PALS2: variants seen among roughly 807,000 people sequenced by gnomAD.
PALS2 encodes protein associated with LIN7 2, MAGUK p55 family member.
PALS2 carries 27 observed loss-of-function variants against 61.6 expected under a neutral mutation model. The ratio of observed to expected loss-of-function variants is 0.44; its 90% confidence interval spans 0.32 to 0.60. PALS2 has a LOEUF of 0.60. Ranked by LOEUF, PALS2 falls within the 20% of genes least tolerant of loss-of-function variation. The pLI, the probability that PALS2 is intolerant of heterozygous loss-of-function variation, is 0.05. For missense variants in PALS2, 554 were observed against 639.4 expected (o/e 0.87, Z 1.44); for synonymous variants, 236 against 218.6 (o/e 1.08, Z -0.70).
intron 1 of PALS2, among the ~76,000 whole-genome samples, chr7:24,601,033 A>G (rs905257196): frequency 7.9e-5 from 12 of 152,164 alleles, no homozygotes; most frequent in African/African-American, 2.9e-4. Flanking sequence ...CCAGGAGGCT[A>G]CTACATCGAA....
chr7:24,633,062 A>G (rs1189595966), intron 2 of PALS2, among the ~76,000 whole-genome samples: 1 of 152,202 alleles, frequency 6.6e-6, no homozygotes, highest in Non-Finnish European at 1.5e-5. Context: ...TTCATAAGCT[A>G]TAATAATCAA....
rs1292725172 is a variant in PALS2, at chr7:24,691,451, A to G, written c.*3837A>G. 7.1e-6 allele frequency: 1 copy of G among 140,822 alleles called. No individual in the cohort carries two copies. Among genetic ancestry groups the G allele is most frequent in the East Asian group, 2.0e-4 (1 of 4,884 alleles). The allele number at this position is 140,822 out of a possible 1,614,324, so 8.7% of individuals were successfully genotyped here. The stretch of plus-strand genomic sequence containing the variant: ...TATATATATATATATATATACAGCT[A>G]TGTGTATAATATGTAAAATTCTCCC... On this transcript the variant is annotated 3_prime_UTR_variant, in exon 12 of 12. Transcript: ENST00000222644.
intron 1 of PALS2, among the ~76,000 whole-genome samples, chr7:24,600,618 C>T (rs758582746): frequency 3.0e-4 from 45 of 151,238 alleles, no homozygotes; most frequent in Non-Finnish European, 4.7e-4. Flanking sequence ...AGAAGCAGTT[C>T]ATTTTGTATA....
At chr7:24,585,921 A>G (rs777451092) in intron 1 of PALS2, among the ~76,000 whole-genome samples, 4 of 152,134 alleles carry the variant, frequency 2.6e-5, no homozygotes, top group Non-Finnish European at 5.9e-5. Flanking sequence ...CCATCTATCT[A>G]GTTCCCTTCT....
intron 1 of PALS2, among the ~76,000 whole-genome samples, chr7:24,597,405 A>G (rs1374690507): frequency 3.3e-5 from 5 of 152,290 alleles, no homozygotes; most frequent in African/African-American, 1.2e-4. Flanking sequence ...GCTGTGGCTG[A>G]GATGGCACGG....
At chr7:24,655,745 C>T (rs1284988554) in intron 5 of PALS2, among the ~76,000 whole-genome samples, 2 of 150,586 alleles carry the variant, frequency 1.3e-5, no homozygotes, top group East Asian at 3.9e-4. Context: ...ACTGCAGCCT[C>T]CACCGCCCGG....
In PALS2 at chr7:24,668,595, G is replaced by A. The variant is rs1787148321; in HGVS notation, c.1049G>A (p.Gly350Asp). The change falls in exon 9 of 12, where the codon GGC becomes GAC. Residue 350 changes from glycine (G) to aspartate (D), a missense_variant. By Grantham distance (94) the Gly-to-Asp change is moderately conservative (BLOSUM62 -1). Coordinates refer to ENST00000222644, the MANE Select transcript of PALS2 (RefSeq NM_001303037.2). ...TLVLIGAQGV[G>D]RRSLKNRFIV... Reference sequence around the variant, plus strand: ...GTATTGATAGGAGCTCAAGGTGTAGGCCGAAGAAGCTTGAAAAACAGGTTC... The same window carrying A: ...GTATTGATAGGAGCTCAAGGTGTAGACCGAAGAAGCTTGAAAAACAGGTTC... 3 of 1,613,820 alleles carry A rather than the reference G, an allele frequency of 1.9e-6. No individual in the cohort carries two copies. In the African/African-American group the frequency reaches 4.0e-5, roughly 22 times the overall value.
intron 1 of PALS2, chr7:24,597,142 C>A (rs997223187): frequency 3.3e-5 from 5 of 152,052 alleles, no homozygotes; most frequent in Non-Finnish European, 7.4e-5. Flanking sequence ...TTAAAGGCAC[C>A]ATCTTTGGGA....
At chr7:24,650,841 G>T (rs1786108416) in intron 5 of PALS2, 129 bp downstream of exon 5, 1 of 650,702 alleles carries the variant, frequency 1.5e-6, no homozygotes, top group Middle Eastern at 4.3e-4. Context: ...GTTCTGAAAT[G>T]GCTTATTTTG....
At chr7:24,654,782 T>C (rs1192001893) in intron 5 of PALS2, among the ~76,000 whole-genome samples, 1 of 152,176 alleles carries the variant, frequency 6.6e-6, no homozygotes, top group Admixed American at 6.5e-5. Context: ...TGGGGTCTGA[T>C]TATTAATATG....
intron 3 of PALS2, among the ~76,000 whole-genome samples, chr7:24,646,364 G>C (rs938869907): frequency 2.0e-5 from 3 of 152,016 alleles, no homozygotes; most frequent in Non-Finnish European, 2.9e-5. Context: ...TAACATGAAG[G>C]GTTGTTGAAT....
At chr7:24,619,872 G>A (rs561620810) in intron 1 of PALS2, among the ~76,000 whole-genome samples, 5 of 152,078 alleles carry the variant, frequency 3.3e-5, no homozygotes, top group African/African-American at 9.6e-5. Flanking sequence ...CTTTCTTCCC[G>A]AAATCTCTAA....
chr7:24,585,945 A>T (rs976227112), intron 1 of PALS2, among the ~76,000 whole-genome samples: 1 of 152,040 alleles, frequency 6.6e-6, no homozygotes, highest in Non-Finnish European at 1.5e-5. Context: ...TTATCATCCA[A>T]ACTTGGAGTT....
chr7:24,661,506 C>T (rs966609229), intron 5 of PALS2, among the ~76,000 whole-genome samples: 3 of 152,058 alleles, frequency 2.0e-5, no homozygotes, highest in Admixed American at 6.5e-5. Flanking sequence ...TTCTGTTCCA[C>T]ACATAAGAAT....
intron 8 of PALS2, 74 bp from the exon 9 acceptor site, chr7:24,668,425 C>A: frequency 1.5e-6 from 2 of 1,377,166 alleles, no homozygotes; most frequent in Non-Finnish European, 2.0e-6. Flanking sequence ...TAAGCCATTA[C>A]TAGACAGAAT....
chr7:24,625,883 A>T (rs1784720638), intron 2 of PALS2, among the ~76,000 whole-genome samples: 1 of 152,172 alleles, frequency 6.6e-6, no homozygotes, highest in Admixed American at 6.5e-5. Context: ...AAATCCCAGG[A>T]ATAGGGGAGG....
chr7:24,630,757 G>T (rs1035233674), intron 2 of PALS2, among the ~76,000 whole-genome samples: 1 of 152,166 alleles, frequency 6.6e-6, no homozygotes, highest in Non-Finnish European at 1.5e-5. Flanking sequence ...GAGCCCTTAA[G>T]AATTATGCGA....
At chr7:24,632,556 A>T (rs1448089678) in intron 2 of PALS2, among the ~76,000 whole-genome samples, 2 of 151,694 alleles carry the variant, frequency 1.3e-5, no homozygotes, top group African/African-American at 4.8e-5. Flanking sequence ...CGCCCAGCTT[A>T]TTTTTGTATT....
chr7:24,654,871 C>T (rs1786335338), intron 5 of PALS2, among the ~76,000 whole-genome samples: 1 of 152,066 alleles, frequency 6.6e-6, no homozygotes, highest in Admixed American at 6.6e-5. Flanking sequence ...AGAAAGAGAC[C>T]TACACATACA....
Sources: allele counts gnomAD v4.1 joint callset (sites outside exome capture counted in the v4.1 genomes callset), GRCh38; gene constraint gnomAD v4.1.1; transcripts MANE v1.5; gene names NCBI Gene and HGNC (gene_info 2026-07-23, HGNC 2026-07-21).